The following KAT6B variants were observed in gnomAD, a reference collection of about 807,000 sequenced individuals.
The protein encoded by KAT6B is histone acetyltransferase KAT6B.
KAT6B carries 10 observed loss-of-function variants against 187.5 expected under a neutral mutation model. The observed-to-expected ratio is 0.05, with a 90% confidence interval of 0.03 to 0.09. The LOEUF is 0.09. Ranked by LOEUF, KAT6B falls within the 10% of genes least tolerant of loss-of-function variation. The pLI is 1.00. For missense variants in KAT6B, 1,952 were observed against 2,558.9 expected (o/e 0.76, Z 5.12); for synonymous variants, 861 against 926.8 (o/e 0.93, Z 1.29).
intron 13 of KAT6B, among the ~76,000 whole-genome samples, chr10:75,010,794 A>G (rs1291685450): frequency 6.6e-6 from 1 of 152,250 alleles, no homozygotes; most frequent in East Asian, 1.9e-4. Flanking sequence ...CAGCTGCCTC[A>G]GTAGAACCTC....
chr10:74,997,024 A>G (rs1389313880), intron 13 of KAT6B, among the ~76,000 whole-genome samples: 2 of 152,196 alleles, frequency 1.3e-5, no homozygotes, highest in African/African-American at 4.8e-5. Flanking sequence ...AAATATATAT[A>G]TACTTTTAAG....
At chr10:74,984,184 C>T (rs1219102387) in intron 11 of KAT6B, 2 of 152,074 alleles carry the variant, frequency 1.3e-5, no homozygotes, top group East Asian at 1.9e-4. Context: ...AGGTTCCATC[C>T]GAGGGAAATA....
Position 74,863,187 on chromosome 10 carries a change from TCTTTTTTC to T in KAT6B, c.621+19720_621+19727del, listed in dbSNP as rs552099090. 2.2e-3 allele frequency among the ~76,000 whole-genome samples: 342 copies of T among 152,360 alleles called. 1 individual carries two copies. The highest frequency in any genetic ancestry group is 7.8e-3 in the African/African-American group (326 of 41,594). The stretch of plus-strand genomic sequence containing the variant: ...GTTGAAAGTGTGTATTTTCTTCCAG[TCTTTTTTC>T]CTTTTTTCCTACATGTAAATATGTA... On this transcript the variant is annotated intron_variant, in intron 3 of 17. Coordinates refer to ENST00000287239, the MANE Select transcript of KAT6B (RefSeq NM_012330.4).
chr10:74,953,913 A>G (rs529937055), intron 3 of KAT6B, among the ~76,000 whole-genome samples: 1 of 152,326 alleles, frequency 6.6e-6, no homozygotes, highest in Non-Finnish European at 1.5e-5. Flanking sequence ...TTAAAAATGC[A>G]TTGTCCTAGA....
At chr10:74,945,248 G>A (rs1422756594) in intron 3 of KAT6B, among the ~76,000 whole-genome samples, 3 of 152,180 alleles carry the variant, frequency 2.0e-5, no homozygotes, top group Non-Finnish European at 4.4e-5. Flanking sequence ...AATATGTCAA[G>A]TGTAAGGTTA....
Position 74,924,887 on chromosome 10 carries a change from T to C in KAT6B, c.622-35083T>C, listed in dbSNP as rs1342609608. Among the ~76,000 whole-genome samples, 16 of 152,090 alleles carry C rather than the reference T, an allele frequency of 1.1e-4. 1 individual carries two copies. The highest frequency in any genetic ancestry group is 1.0e-3 in the Admixed American group (16 of 15,264). ...CAGATCATGGAATCAGTCAGTTTGC[T>C]ATACTGAATTTTTTTTTTTTCAGCT... On this transcript the variant is annotated intron_variant, in intron 3 of 17. Transcript: ENST00000287239.
In KAT6B at chr10:74,842,998, C is replaced by G; in HGVS notation, c.141C>G (p.Val47=). Residue 47 remains valine, a synonymous_variant, in exon 3 of 18, where the codon GTC becomes GTG. Coordinates refer to ENST00000287239, the MANE Select transcript of KAT6B (RefSeq NM_012330.4). ...STSHGLDKKT[V]SEQLELSVQD... ...CCCATGGGTTGGATAAGAAGACAGT[C>G]TCTGAACAGCTGGAACTCAGTGTTC... 1 of 1,614,194 alleles carries G rather than the reference C, an allele frequency of 6.2e-7. No individual in the cohort carries two copies. Among genetic ancestry groups the G allele is most frequent in the Non-Finnish European group, 8.5e-7 (1 of 1,180,030 alleles).
intron 12 of KAT6B, among the ~76,000 whole-genome samples, chr10:74,985,496 G>A (rs933767324): frequency 2.6e-5 from 4 of 152,144 alleles, no homozygotes; most frequent in East Asian, 1.9e-4. Context: ...ACCACTTAGC[G>A]TCTTTGATTT....
intron 3 of KAT6B, among the ~76,000 whole-genome samples, chr10:74,948,004 A>G (rs561661961): frequency 6.6e-6 from 1 of 152,332 alleles, no homozygotes; most frequent in South Asian, 2.1e-4. Flanking sequence ...TCTAAGAATG[A>G]GTCTTCTGCT....
intron 3 of KAT6B, among the ~76,000 whole-genome samples, chr10:74,854,562 A>G (rs775032566): frequency 6.6e-6 from 1 of 152,140 alleles, no homozygotes; most frequent in African/African-American, 2.4e-5. Flanking sequence ...GATTTAAACT[A>G]TGAGGCTGGT....
chr10:74,979,407 TC>T, intron 10 of KAT6B, 68 bp downstream of exon 10: 2 of 1,124,412 alleles, frequency 1.8e-6, no homozygotes, highest in Non-Finnish European at 2.7e-6. Context: ...AATTCTTGAT[TC>T]TAAAGCAGGA....
intron 12 of KAT6B, 135 bp from the exon 13 acceptor site, chr10:74,988,884 G>T: frequency 2.1e-5 from 15 of 728,732 alleles, no homozygotes; most frequent in Non-Finnish European, 2.8e-5. Flanking sequence ...TAATATAGTA[G>T]GATTTTTCTG....
chr10:75,007,112 A>G (rs2134019288), intron 13 of KAT6B, among the ~76,000 whole-genome samples: 1 of 152,162 alleles, frequency 6.6e-6, no homozygotes, highest in South Asian at 2.1e-4. Context: ...TTAAAATATA[A>G]CCATTTTGTA....
At chr10:74,867,309 A>G (rs955775535) in intron 3 of KAT6B, among the ~76,000 whole-genome samples, 4 of 152,040 alleles carry the variant, frequency 2.6e-5, no homozygotes, top group Non-Finnish European at 5.9e-5. Flanking sequence ...TTTGCTATAT[A>G]TATTTTTTCT....
chr10:74,968,863 AATGG>A (rs1841661411), intron 4 of KAT6B, among the ~76,000 whole-genome samples: 2 of 152,116 alleles, frequency 1.3e-5, no homozygotes, highest in South Asian at 4.2e-4. Flanking sequence ...GGCTCCTTTG[AATGG>A]CATTGCCCCT....
At position 75,024,984 on chromosome 10, in the gene KAT6B, G is replaced by A; in HGVS notation, c.3399G>A (p.Arg1133=). 1 of 1,614,116 alleles carries A rather than the reference G, an allele frequency of 6.2e-7. No homozygotes were observed. Among genetic ancestry groups the A allele is most frequent in the Non-Finnish European group, 8.5e-7 (1 of 1,180,018 alleles). ...GGCCTTTTGTACTAAAGAAGAAAAGGGGTCGTAAACGCAGGAGGATCAACA... is the reference window on the plus strand; with the variant it reads ...GGCCTTTTGTACTAAAGAAGAAAAGAGGTCGTAAACGCAGGAGGATCAACA... ...RKRPFVLKKK[R]GRKRRRINSS... is the part of the protein sequence containing the mutation. Residue 1133 remains arginine (R), a synonymous_variant, in exon 17 of 18, where the codon AGG becomes AGA. Transcript: ENST00000287239.
chr10:74,988,432 G>C (rs1425806621), intron 12 of KAT6B, among the ~76,000 whole-genome samples: 2 of 152,090 alleles, frequency 1.3e-5, no homozygotes, highest in Non-Finnish European at 2.9e-5. Context: ...TTGTCTTTTT[G>C]TTTCATTTTA....
chr10:74,844,452 G>A (rs1212642572), intron 3 of KAT6B, among the ~76,000 whole-genome samples: 1 of 152,212 alleles, frequency 6.6e-6, no homozygotes, highest in Non-Finnish European at 1.5e-5. Flanking sequence ...ACCCGCTTTG[G>A]TCTCCCAAAG....
rs12573093 is a variant in KAT6B, at chr10:74,949,315, C to G, written c.622-10655C>G. Among the ~76,000 whole-genome samples, 93 of 152,248 alleles carry G rather than the reference C, an allele frequency of 6.1e-4. 1 individual carries two copies. In the East Asian group the frequency reaches 0.017, roughly 28 times the overall value. The stretch of plus-strand genomic sequence containing the variant: ...AGAAGTGGAGGAGAGAAGTCCCTGT[C>G]CAGATAAGAAACTGAAGGCCCTGGG... On this transcript the variant is annotated intron_variant, in intron 3 of 17. Coordinates refer to ENST00000287239, the MANE Select transcript of KAT6B (RefSeq NM_012330.4).
Sources: allele counts gnomAD v4.1 joint callset (sites outside exome capture counted in the v4.1 genomes callset), GRCh38; gene constraint gnomAD v4.1.1; transcripts MANE v1.5; gene names NCBI Gene and HGNC (gene_info 2026-07-23, HGNC 2026-07-21).